GRM7: variants seen among roughly 807,000 people sequenced by gnomAD.
The protein encoded by GRM7 is glutamate metabotropic receptor 7.
In GRM7, 35 loss-of-function variants were observed where a neutral mutation model predicts 84.5. The ratio of observed to expected loss-of-function variants is 0.41; its 90% CI spans 0.32 to 0.55. The LOEUF (loss-of-function observed/expected upper bound fraction) is 0.55. Among genes scored for constraint, GRM7 ranks in the 20% least tolerant of loss-of-function variants. The pLI, the probability that GRM7 is intolerant of heterozygous loss-of-function variation, is 0.19. For synonymous variants in GRM7, 487 were observed against 455.1 expected (o/e 1.07, Z -0.89); for missense variants, 1,003 against 1,194.6 (o/e 0.84, Z 2.36).
chr3:7,324,781 G>A (rs769343112), intron 4 of GRM7, among the ~76,000 whole-genome samples: 2 of 152,044 alleles, frequency 1.3e-5, no homozygotes, highest in Non-Finnish European at 2.9e-5. Context: ...GGGGCCCTCA[G>A]AATCCTTGAC....
At chr3:6,878,375 T>TTG (rs1311143544) in intron 1 of GRM7, among the ~76,000 whole-genome samples, 1 of 90,670 alleles carries the variant, frequency 1.1e-5, no homozygotes, top group Non-Finnish European at 2.2e-5. Flanking sequence ...TTTTATGTGT[T>TTG]TGCGTGTGTG....
intron 1 of GRM7, among the ~76,000 whole-genome samples, chr3:6,949,847 T>G (rs1692654412): frequency 6.6e-6 from 1 of 152,254 alleles, no homozygotes; most frequent in Non-Finnish European, 1.5e-5. Flanking sequence ...GTTGATCACA[T>G]CAGTTACTGA....
chr3:7,070,494 G>A (rs955057615), intron 1 of GRM7, among the ~76,000 whole-genome samples: 7 of 152,146 alleles, frequency 4.6e-5, no homozygotes, highest in East Asian at 3.9e-4. Flanking sequence ...CTTCAGAAAC[G>A]GGTAATGGCA....
At chr3:7,222,220 G>T (rs1439559139) in intron 2 of GRM7, among the ~76,000 whole-genome samples, 1 of 152,058 alleles carries the variant, frequency 6.6e-6, no homozygotes, top group African/African-American at 2.4e-5. Flanking sequence ...GTCAGGTATG[G>T]TGGGCTGAAT....
At chr3:6,889,387 T>C (rs1401718449) in intron 1 of GRM7, among the ~76,000 whole-genome samples, 1 of 152,122 alleles carries the variant, frequency 6.6e-6, no homozygotes, top group African/African-American at 2.4e-5. Context: ...ATAGCTCTTA[T>C]TATTTTGAGA....
intron 8 of GRM7, among the ~76,000 whole-genome samples, chr3:7,653,120 A>G (rs1699024581): frequency 6.8e-6 from 1 of 148,074 alleles, no homozygotes; most frequent in Non-Finnish European, 1.5e-5. Flanking sequence ...GCCCTCCAGC[A>G]TCTCCTTAGC....
At chr3:7,381,289 C>T (rs918063569) in intron 4 of GRM7, among the ~76,000 whole-genome samples, 2 of 152,058 alleles carry the variant, frequency 1.3e-5, no homozygotes, top group Admixed American at 6.6e-5. Flanking sequence ...GGCTTTTCTA[C>T]TCAAAAGCTA....
chr3:7,537,914 G>C (rs1692644593), intron 7 of GRM7, among the ~76,000 whole-genome samples: 1 of 152,138 alleles, frequency 6.6e-6, no homozygotes, highest in African/African-American at 2.4e-5. Context: ...AAAAAATAGA[G>C]CTTCAGCTGA....
At chr3:7,460,175 A>G (rs1175206516) in intron 6 of GRM7, among the ~76,000 whole-genome samples, 6 of 146,906 alleles carry the variant, frequency 4.1e-5, no homozygotes, top group Admixed American at 2.1e-4. Context: ...GAACGTCCCC[A>G]CACAAACAAC....
At position 7,146,447 on chromosome 3, in the gene GRM7, T is replaced by C. The variant is rs764314087; in HGVS notation, c.520-5T>C. 1.3e-5 allele frequency: 21 copies of C among 1,609,144 alleles called. No individual in the cohort carries two copies. The highest frequency in any genetic ancestry group is 5.3e-5 in the African/African-American group (4 of 74,808). ...CTCTCACGTGGTGCTTTCTTGTCTTTGCAGATCCCCCAGATTAGTTATGCA... is the reference window on the plus strand; with the variant it reads ...CTCTCACGTGGTGCTTTCTTGTCTTCGCAGATCCCCCAGATTAGTTATGCA... On this transcript the variant is annotated splice_polypyrimidine_tract_variant and splice_region_variant and intron_variant, in intron 1 of 9. Coordinates refer to ENST00000357716, the MANE Select transcript of GRM7 (RefSeq NM_000844.4).
At chr3:7,601,740 C>G (rs1441582424) in intron 8 of GRM7, among the ~76,000 whole-genome samples, 14 of 152,018 alleles carry the variant, frequency 9.2e-5, no homozygotes. Context: ...AAATATGCTA[C>G]TGGAGCAACT....
intron 5 of GRM7, among the ~76,000 whole-genome samples, chr3:7,434,232 T>G (rs1696949548): frequency 6.6e-6 from 1 of 152,174 alleles, no homozygotes; most frequent in Admixed American, 6.5e-5. Context: ...TTCTTAGAAT[T>G]TTTATATAGA....
intron 5 of GRM7, among the ~76,000 whole-genome samples, chr3:7,435,334 T>C (rs915944150): frequency 1.3e-5 from 2 of 151,938 alleles, no homozygotes; most frequent in African/African-American, 4.8e-5. Flanking sequence ...TGGGTAGTTT[T>C]TTTATATTTT....
intron 8 of GRM7, among the ~76,000 whole-genome samples, chr3:7,673,663 T>A (rs1295736819): frequency 6.6e-6 from 1 of 152,168 alleles, no homozygotes; most frequent in Admixed American, 6.6e-5. Flanking sequence ...TGGAAGTGGA[T>A]GCCAGCAGGA....
chr3:7,377,861 C>T (rs540505298), intron 4 of GRM7, among the ~76,000 whole-genome samples: 66 of 152,266 alleles, frequency 4.3e-4, no homozygotes, highest in Middle Eastern at 6.8e-3. Context: ...TTGGAGGTTA[C>T]CACTTAGTTA....
chr3:7,729,832 A>G (rs1407181394), intron 9 of GRM7, among the ~76,000 whole-genome samples: 2 of 137,326 alleles, frequency 1.5e-5, no homozygotes, highest in Admixed American at 1.5e-4. Flanking sequence ...CAGCCTCCTG[A>G]GTAGCTGGGA....
chr3:6,915,652 T>C (rs1017022741), intron 1 of GRM7, among the ~76,000 whole-genome samples: 2 of 152,226 alleles, frequency 1.3e-5, no homozygotes, highest in Admixed American at 6.5e-5. Flanking sequence ...TATGTATTCA[T>C]TGACTTTCAC....
intron 9 of GRM7, among the ~76,000 whole-genome samples, chr3:7,696,165 A>G (rs1166077507): frequency 6.6e-6 from 1 of 152,180 alleles, no homozygotes; most frequent in Non-Finnish European, 1.5e-5. Context: ...AGAATTGTCT[A>G]TAGGTCTCTC....
At chr3:6,999,545 G>T (rs1485021001) in intron 1 of GRM7, among the ~76,000 whole-genome samples, 1 of 152,046 alleles carries the variant, frequency 6.6e-6, no homozygotes, top group Non-Finnish European at 1.5e-5. Flanking sequence ...AATTTACTTT[G>T]TCCATTCTCA....
Sources: gnomAD v4.1 joint callset for allele counts (sites outside exome capture counted in the v4.1 genomes callset) on GRCh38, gnomAD v4.1.1 for gene constraint, MANE v1.5 for transcripts, NCBI Gene and HGNC (gene_info 2026-07-23, HGNC 2026-07-21) for gene names.